KCNIP4: variants seen among roughly 807,000 people sequenced by gnomAD.
The protein encoded by KCNIP4 is Kv channel-interacting protein 4.
A neutral mutation model predicts 34.0 loss-of-function variants in KCNIP4; 12 were observed. The observed-to-expected ratio is 0.35, with a 90% confidence interval of 0.23 to 0.57. The LOEUF (loss-of-function observed/expected upper bound fraction) is 0.57. Among genes scored for constraint, KCNIP4 ranks in the 20% least tolerant of loss-of-function variants. The probability of loss-of-function intolerance (pLI) is 0.83; values close to 1 mark genes in which losing one functional copy is unlikely to be tolerated. For missense variants in KCNIP4, 238 were observed against 311.7 expected (o/e 0.76, Z 1.78); for synonymous variants, 124 against 102.2 (o/e 1.21, Z -1.29).
chr4:21,300,818 T>C (rs1578045196), intron 1 of KCNIP4, among the ~76,000 whole-genome samples: 2 of 152,176 alleles, frequency 1.3e-5, no homozygotes, highest in African/African-American at 4.8e-5. Context: ...ATGATATGTG[T>C]TACATAAATT....
chr4:20,782,471 C>T (rs1019515985), intron 3 of KCNIP4, among the ~76,000 whole-genome samples: 10 of 152,176 alleles, frequency 6.6e-5, no homozygotes, highest in African/African-American at 2.4e-4. Flanking sequence ...CTTCTGAAAT[C>T]TAGACAGAGG....
At chr4:21,236,720 T>C (rs551002519) in intron 1 of KCNIP4, among the ~76,000 whole-genome samples, 1 of 151,922 alleles carries the variant, frequency 6.6e-6, no homozygotes, top group Non-Finnish European at 1.5e-5. Context: ...TTTTAAGATA[T>C]ACATTCAGGC....
intron 1 of KCNIP4, among the ~76,000 whole-genome samples, chr4:21,528,675 C>CAAAGAAAGAAAGAAAG (rs1210670568): frequency 1.2e-5 from 1 of 84,252 alleles, no homozygotes; most frequent in Non-Finnish European, 2.5e-5. Context: ...TCATAAAAAA[C>CAAAGAAAGAAAGAAAG]AAAGAAAGAA....
intron 1 of KCNIP4, among the ~76,000 whole-genome samples, chr4:21,914,615 C>T (rs1029615648): frequency 6.6e-5 from 10 of 152,142 alleles, no homozygotes; most frequent in African/African-American, 1.7e-4. Context: ...ACCTAAAAAG[C>T]GCTTCCCTGA....
rs200778173 is a variant in KCNIP4, at chr4:20,887,362, C to A, written c.62-4653G>T. ...AATATTCCACATATGTTTTAAAACA[C>A]AAGTGAAATCTGTTGAACCAAAAGA... On this transcript the variant is annotated intron_variant, in intron 1 of 8. Coordinates refer to ENST00000382152, the MANE Select transcript of KCNIP4 (RefSeq NM_025221.6). 3.4e-4 allele frequency among the ~76,000 whole-genome samples: 51 copies of A among 150,988 alleles called. 2 individuals carry two copies. In the East Asian group the frequency reaches 9.1e-3, roughly 27 times the overall value.
chr4:20,741,946 A>G (rs1474724592), intron 5 of KCNIP4, among the ~76,000 whole-genome samples: 3 of 152,218 alleles, frequency 2.0e-5, no homozygotes, highest in South Asian at 4.1e-4. Context: ...GAACACCTCT[A>G]TGCGAATAAA....
intron 1 of KCNIP4, among the ~76,000 whole-genome samples, chr4:21,605,475 A>G (rs1430084344): frequency 2.0e-5 from 3 of 151,976 alleles, no homozygotes; most frequent in Non-Finnish European, 2.9e-5. Flanking sequence ...TATTTTTAAT[A>G]TTCCTTTTTA....
intron 1 of KCNIP4, among the ~76,000 whole-genome samples, chr4:21,243,947 C>T (rs192293272): frequency 1.6e-4 from 25 of 152,186 alleles, no homozygotes; most frequent in African/African-American, 5.3e-4. Flanking sequence ...GCAAGATCAT[C>T]GAATGTCTCA....
intron 1 of KCNIP4, among the ~76,000 whole-genome samples, chr4:20,993,828 C>T (rs1737301143): frequency 2.0e-5 from 3 of 152,290 alleles, no homozygotes; most frequent in South Asian, 4.1e-4. Flanking sequence ...AAATGGTTCT[C>T]ATTGGGCTTA....
At chr4:21,008,808 G>C (rs528142655) in intron 1 of KCNIP4, among the ~76,000 whole-genome samples, 3 of 151,986 alleles carry the variant, frequency 2.0e-5, no homozygotes, top group Non-Finnish European at 4.4e-5. Flanking sequence ...ACAGACGTGA[G>C]CCACCGCGCC....
At chr4:21,528,909 C>G (rs1316335829) in intron 1 of KCNIP4, among the ~76,000 whole-genome samples, 1 of 151,904 alleles carries the variant, frequency 6.6e-6, no homozygotes, top group Non-Finnish European at 1.5e-5. Flanking sequence ...AACACTACAG[C>G]TAAGCTGCAA....
At chr4:20,913,562 A>G (rs1449425637) in intron 1 of KCNIP4, among the ~76,000 whole-genome samples, 1 of 152,236 alleles carries the variant, frequency 6.6e-6, no homozygotes. Flanking sequence ...ATTTAAAAAT[A>G]AATTCAGCTT....
chr4:21,576,112 T>C (rs767842550), intron 1 of KCNIP4, among the ~76,000 whole-genome samples: 1 of 152,184 alleles, frequency 6.6e-6, no homozygotes, highest in Non-Finnish European at 1.5e-5. Context: ...GCTTAGCAAA[T>C]ATCGGTAGAA....
chr4:21,401,171 C>A (rs1161462096), intron 1 of KCNIP4, among the ~76,000 whole-genome samples: 1 of 152,090 alleles, frequency 6.6e-6, no homozygotes, highest in Non-Finnish European at 1.5e-5. Context: ...AGAATCCAAG[C>A]TTCCTCACCT....
intron 1 of KCNIP4, among the ~76,000 whole-genome samples, chr4:21,618,868 C>G (rs1001575016): frequency 1.3e-5 from 2 of 151,954 alleles, no homozygotes; most frequent in Admixed American, 1.3e-4. Flanking sequence ...CACCTGACCT[C>G]GTGATCCGCC....
rs940600817 is a variant in KCNIP4 at position 21,554,384 on chromosome 4, T to C, written c.61+394187A>G. On this transcript the variant is annotated intron_variant, in intron 1 of 8. Coordinates refer to ENST00000382152, the MANE Select transcript of KCNIP4 (RefSeq NM_025221.6). The stretch of plus-strand genomic sequence containing the variant: ...TCTAGGTTTGATGGGGAGCCAAGAC[T>C]GGGCTAAGAACAGCAGAGTCATATT... 6.6e-5 allele frequency among the ~76,000 whole-genome samples: 10 copies of C among 152,090 alleles called. 1 individual carries two copies. The highest frequency in any genetic ancestry group is 1.0e-4 in the Non-Finnish European group (7 of 68,020).
intron 1 of KCNIP4, among the ~76,000 whole-genome samples, chr4:21,376,153 T>C (rs554967173): frequency 6.6e-6 from 1 of 152,262 alleles, no homozygotes; most frequent in African/African-American, 2.4e-5. Flanking sequence ...ACTTGTTTTT[T>C]CTTCTTTTGA....
intron 1 of KCNIP4, among the ~76,000 whole-genome samples, chr4:21,762,481 C>G (rs1318713097): frequency 2.6e-5 from 4 of 152,048 alleles, no homozygotes; most frequent in Admixed American, 1.3e-4. Context: ...TTCCCCATTG[C>G]CTAGTACACT....
At chr4:21,037,937 CA>C (rs1223828224) in intron 1 of KCNIP4, among the ~76,000 whole-genome samples, 2 of 150,252 alleles carry the variant, frequency 1.3e-5, no homozygotes, top group African/African-American at 4.9e-5. Context: ...TAAACTAGCC[CA>C]AAAAACAAAC....
Sources: gnomAD v4.1 joint callset for allele counts (sites outside exome capture counted in the v4.1 genomes callset) on GRCh38, gnomAD v4.1.1 for gene constraint, MANE v1.5 for transcripts, NCBI Gene and HGNC (gene_info 2026-07-23, HGNC 2026-07-21) for gene names.